Variants in PCDHA12 observed in about 807,000 individuals in gnomAD.
PCDHA12 encodes protocadherin alpha 12, also known as protocadherin alpha-12.
Under a neutral mutation model 60.0 loss-of-function variants are expected in PCDHA12, and 44 were observed. The ratio of observed to expected loss-of-function variants is 0.73; its 90% CI spans 0.58 to 0.94. The LOEUF (loss-of-function observed/expected upper bound fraction) is 0.94, where lower values mean the gene tolerates loss of function less well. Among genes scored for constraint, PCDHA12 ranks in the 40% least tolerant of loss-of-function variants. The pLI is 0.00. For synonymous variants in PCDHA12, 569 were observed against 553.0 expected (o/e 1.03, Z -0.40); for missense variants, 1,276 against 1,239.7 (o/e 1.03, Z -0.44).
rs372235129 is a variant in PCDHA12 at position 140,927,231 on chromosome 5, C to T, written c.2367+49392C>T. On this transcript the variant is annotated intron_variant, in intron 1 of 3. Transcript: ENST00000398631. ...TGGAGCTGCACAAGATTCGGATTCA[C>T]GTCCTGGACACCAATGACAACTCAC... 3.7e-6 allele frequency: 6 copies of T among 1,614,020 alleles called. No individual in the cohort carries two copies. In the African/African-American group the frequency reaches 4.0e-5, roughly 11 times the overall value.
chr5:140,973,574 C>T (rs1485415780), intron 1 of PCDHA12, among the ~76,000 whole-genome samples: 1 of 152,218 alleles, frequency 6.6e-6, no homozygotes, highest in African/African-American at 2.4e-5. Flanking sequence ...AATTTTTCTA[C>T]AGACTGCTGA....
intron 1 of PCDHA12, chr5:140,929,124 C>T: frequency 6.2e-7 from 1 of 1,614,166 alleles, no homozygotes; most frequent in Non-Finnish European, 8.5e-7. Flanking sequence ...CCATAGATGT[C>T]ACTACAGTTG....
At chr5:140,883,940 G>A in intron 1 of PCDHA12, 1 of 1,613,412 alleles carries the variant, frequency 6.2e-7, no homozygotes, top group Non-Finnish European at 8.5e-7. Flanking sequence ...CGTGCTGGAC[G>A]AGAACGACAA....
At chr5:140,932,755 GA>G (rs1554209056) in intron 1 of PCDHA12, among the ~76,000 whole-genome samples, 4 of 151,730 alleles carry the variant, frequency 2.6e-5, no homozygotes, top group Non-Finnish European at 5.9e-5. Context: ...AAAAAGGAAA[GA>G]AAAAGAACAT....
At chr5:141,005,184 A>G (rs964423938) in intron 3 of PCDHA12, among the ~76,000 whole-genome samples, 27 of 152,196 alleles carry the variant, frequency 1.8e-4, no homozygotes, top group Non-Finnish European at 3.7e-4. Flanking sequence ...CACTTCTCAC[A>G]TCAGTCCTTT....
At chr5:140,960,303 C>G (rs2095539243) in intron 1 of PCDHA12, among the ~76,000 whole-genome samples, 1 of 152,132 alleles carries the variant, frequency 6.6e-6, no homozygotes, top group African/African-American at 2.4e-5. Context: ...TTCATCAATA[C>G]CAACCTCATT....
chr5:140,884,385 C>T (rs1554181508), intron 1 of PCDHA12: 1 of 1,613,992 alleles, frequency 6.2e-7, no homozygotes, highest in Non-Finnish European at 8.5e-7. Context: ...GCCATCTGCG[C>T]GGTGTCCAGC....
intron 1 of PCDHA12, among the ~76,000 whole-genome samples, chr5:140,962,849 T>C (rs1434907172): frequency 6.6e-6 from 1 of 152,214 alleles, no homozygotes; most frequent in African/African-American, 2.4e-5. Context: ...ATATAACTTG[T>C]GCTCGGTTTG....
chr5:140,875,776 T>G lies in PCDHA12; in HGVS notation c.304T>G (p.Cys102Gly). The G allele has an allele frequency of 6.2e-7, 1 of 1,613,910 alleles. No homozygotes were observed. Among genetic ancestry groups the G allele is most frequent in the Non-Finnish European group, 8.5e-7 (1 of 1,179,972 alleles). ...REKLCGRSAE[C>G]SIHLEVIVDR... ...GAAGCTGTGCGGGCGGAGCGCGGAG[T>G]GCAGTATCCACCTGGAGGTGATCGT... The change falls in exon 1 of 4, where the codon TGC becomes GGC. Residue 102 changes from cysteine to glycine, a missense_variant. Coordinates refer to ENST00000398631, the MANE Select transcript of PCDHA12 (RefSeq NM_018903.4).
chr5:140,890,045 T>C (rs1192229071), intron 1 of PCDHA12, among the ~76,000 whole-genome samples: 1 of 152,206 alleles, frequency 6.6e-6, no homozygotes, highest in African/African-American at 2.4e-5. Context: ...TGTAGTGTGT[T>C]GGAGCTGGCT....
intron 1 of PCDHA12, chr5:140,926,986 C>A (rs782199565): frequency 8.1e-6 from 13 of 1,610,594 alleles, no homozygotes; most frequent in Non-Finnish European, 2.5e-6. Flanking sequence ...GGAGACGGAG[C>A]GGGGCGTAGC....
rs549444106 is a variant in PCDHA12 at position 140,953,999 on chromosome 5, T to C, written c.2368-24950T>C. Among the ~76,000 whole-genome samples the C allele has an allele frequency of 1.1e-4, 16 of 152,294 alleles. No homozygotes were observed. In the South Asian group the frequency reaches 3.3e-3, roughly 32 times the overall value. ...CCCTTCATATTTTCATGTGTACTCA[T>C]CATTCAGCTCCCACACATAGTGGGA... is the stretch of plus-strand genomic sequence containing the variant. On this transcript the variant is annotated intron_variant, in intron 1 of 3. Transcript: ENST00000398631.
Position 141,009,659 on chromosome 5 carries a change from G to A in PCDHA12, c.2548G>A (p.Gly850Ser), listed in dbSNP as rs781996586. 3.0e-5 allele frequency: 48 copies of A among 1,613,808 alleles called. No individual in the cohort carries two copies. Among genetic ancestry groups the A allele is most frequent in the East Asian group, 4.5e-5 (2 of 44,878 alleles). The change falls in exon 4 of 4, where the codon GGT becomes AGT. Residue 850 changes from glycine (G) to serine (S), a missense_variant. Coordinates refer to ENST00000398631, the MANE Select transcript of PCDHA12 (RefSeq NM_018903.4). ...GGCAGGAGAAGTGTCCCCTCCAGTC[G>A]GTGCGGGTGTCAACAGCAACAGCTG... is the stretch of plus-strand genomic sequence containing the variant. ...PEAGEVSPPV[G>S]AGVNSNSWTF...
At chr5:140,941,797 A>G (rs1425454318) in intron 1 of PCDHA12, among the ~76,000 whole-genome samples, 1 of 152,224 alleles carries the variant, frequency 6.6e-6, no homozygotes, top group African/African-American at 2.4e-5. Flanking sequence ...AAGAATATTT[A>G]GTTGATTTCA....
At chr5:140,894,740 AT>A (rs1157881854) in intron 1 of PCDHA12, among the ~76,000 whole-genome samples, 3 of 150,972 alleles carry the variant, frequency 2.0e-5, no homozygotes, top group Non-Finnish European at 3.0e-5. Flanking sequence ...AATTTGTGGA[AT>A]TTTTTTTCTT....
intron 1 of PCDHA12, among the ~76,000 whole-genome samples, chr5:140,906,853 T>C (rs576448914): frequency 1.3e-5 from 2 of 152,170 alleles, no homozygotes; most frequent in Non-Finnish European, 2.9e-5. Flanking sequence ...AGAGTCTGGG[T>C]CAGTCACCCC....
chr5:140,909,620 A>C (rs576090849), intron 1 of PCDHA12, among the ~76,000 whole-genome samples: 1 of 152,122 alleles, frequency 6.6e-6, no homozygotes. Flanking sequence ...GGCAGCTCTA[A>C]TTGGTCTTCC....
intron 3 of PCDHA12, among the ~76,000 whole-genome samples, chr5:141,005,816 G>A (rs1295998009): frequency 1.3e-5 from 2 of 151,804 alleles, no homozygotes; most frequent in African/African-American, 4.8e-5. Context: ...AGCCAGGTAT[G>A]GTGGCCTGTA....
intron 1 of PCDHA12, chr5:140,927,330 G>A (rs2084093036): frequency 6.2e-7 from 1 of 1,614,140 alleles, no homozygotes; most frequent in Non-Finnish European, 8.5e-7. Flanking sequence ...TTACTCTCCC[G>A]AATGCCCAAG....
Sources: allele counts gnomAD v4.1 joint callset (sites outside exome capture counted in the v4.1 genomes callset), GRCh38; gene constraint gnomAD v4.1.1; transcripts MANE v1.5; gene names NCBI Gene and HGNC (gene_info 2026-07-23, HGNC 2026-07-21).